The following G6PC1 variants were observed in gnomAD, a reference collection of about 807,000 sequenced individuals.
The protein encoded by G6PC1 is G-6-Pase.
A neutral mutation model predicts 30.4 loss-of-function variants in G6PC1; 23 were observed. The ratio of observed to expected loss-of-function variants is 0.76; its 90% CI spans 0.55 to 1.07. The LOEUF is 1.07. Ranked by LOEUF, G6PC1 falls within the 50% of genes least tolerant of loss-of-function variation. The probability of loss-of-function intolerance (pLI) is 0.00; values close to 1 mark genes in which losing one functional copy is unlikely to be tolerated. For synonymous variants in G6PC1, 163 were observed against 175.6 expected, an observed-to-expected ratio of 0.93 and a Z score of 0.57; for missense variants, 391 against 433.9, an observed-to-expected ratio of 0.90 and a Z score of 0.88.
rs771864998 is a variant in G6PC1, at chr17:42,903,969, A to G, written c.269A>G (p.Asp90Gly). ...CAGCGTCCATACTGGTGGGTTTTGG[A>G]TACTGACTACTACAGCAACACTTCC... ...FGQRPYWWVL[D>G]TDYYSNTSVP... The change falls in exon 2 of 5, where the codon GAT becomes GGT. Residue 90 changes from aspartate (D) to glycine (G), a missense_variant. Physicochemically the swap from Asp to Gly is moderately conservative, Grantham distance 94. Coordinates refer to ENST00000253801, the MANE Select transcript of G6PC1 (RefSeq NM_000151.4). 5.0e-6 allele frequency: 8 copies of G among 1,613,986 alleles called. No individual in the cohort carries two copies. In the East Asian group the frequency reaches 1.8e-4, roughly 36 times the overall value.
At chr17:42,903,654 C>T (rs547527242) in intron 1 of G6PC1, among the ~76,000 whole-genome samples, 2 of 151,708 alleles carry the variant, frequency 1.3e-5, no homozygotes, top group Admixed American at 6.6e-5. Context: ...CACAATGAGC[C>T]GAGATTGCGC....
chr17:42,910,686 C>T (rs1267536117), intron 4 of G6PC1, among the ~76,000 whole-genome samples: 1 of 152,146 alleles, frequency 6.6e-6, no homozygotes, highest in African/African-American at 2.4e-5. Context: ...AGGAAATTTG[C>T]ATACGGTGGG....
Position 42,911,441 on chromosome 17 carries a change from T to G in G6PC1, c.*15T>G, listed in dbSNP as rs2056096098. On this transcript the variant is annotated 3_prime_UTR_variant, in exon 5 of 5. Transcript: ENST00000253801. ...AGTCGTTGTAAGAGATGTGGAGTCT[T>G]CGGTGTTTAAAGTCAACAACCATGC... 1 of 1,613,976 alleles carries G rather than the reference T, an allele frequency of 6.2e-7. No individual in the cohort carries two copies. The highest frequency in any genetic ancestry group is 1.7e-5 in the Admixed American group (1 of 59,990).
chr17:42,910,784 T>C, intron 4 of G6PC1, 131 bp from the exon 5 acceptor site: 1 of 874,956 alleles, frequency 1.1e-6, no homozygotes, highest in Non-Finnish European at 1.9e-6. Flanking sequence ...CAGGCGACCC[T>C]CCCATCTGCC....
At chr17:42,907,338 T>C (rs2056067718) in intron 2 of G6PC1, among the ~76,000 whole-genome samples, 185 bp from the exon 3 acceptor site, 2 of 145,666 alleles carry the variant, frequency 1.4e-5, no homozygotes, top group African/African-American at 2.5e-5. Context: ...AAATGAATTA[T>C]GGATAACGAA....
chr17:42,912,499 A>C lies in G6PC1; in HGVS notation c.*1073A>C, dbSNP rs1293139885. ...AATTAGGCTCTGAAATCTTGGGCAA[A>C]ATGACAAGGGGAGGGCCAGGATTCC... is the stretch of plus-strand genomic sequence containing the variant. On this transcript the variant is annotated 3_prime_UTR_variant, in exon 5 of 5. Transcript: ENST00000253801. The C allele has an allele frequency of 6.6e-6, 1 of 152,270 alleles. No homozygotes were observed. The highest frequency in any genetic ancestry group is 1.5e-5 in the Non-Finnish European group (1 of 68,058). 9.4% of individuals were successfully genotyped at this position (152,270 alleles called of 1,614,324 possible). A position where few individuals can be genotyped will look rare whatever the true frequency, so the allele number is the denominator to read the frequency against.
intron 2 of G6PC1, among the ~76,000 whole-genome samples, chr17:42,904,424 C>G (rs2056046189): frequency 6.6e-6 from 1 of 152,182 alleles, no homozygotes; most frequent in Non-Finnish European, 1.5e-5. Context: ...CTCTCTGTGC[C>G]TACGTTTTAT....
intron 1 of G6PC1, among the ~76,000 whole-genome samples, chr17:42,902,566 A>G (rs577480819): frequency 2.0e-5 from 3 of 152,290 alleles, no homozygotes; most frequent in African/African-American, 7.2e-5. Context: ...TCTAAAAAAT[A>G]AAAAGATGAA....
At chr17:42,907,476 G>C in intron 2 of G6PC1, 47 bp from the exon 3 acceptor site, 1 of 1,354,516 alleles carries the variant, frequency 7.4e-7, no homozygotes, top group Non-Finnish European at 1.1e-6. Context: ...CTGTCTCCCA[G>C]ATGAGGACCT....
rs2056090399 is a variant in G6PC1 at position 42,910,853 on chromosome 17, C to T, written c.563-62C>T. On this transcript the variant is annotated intron_variant, in intron 4 of 4. Transcript: ENST00000253801. ...TGGCATGTCACCCACTCCTCCAAACCCACCTCTAGCAAAGGTCCCAAATCC... is the reference window on the plus strand; with the variant it reads ...TGGCATGTCACCCACTCCTCCAAACTCACCTCTAGCAAAGGTCCCAAATCC... The T allele has an allele frequency of 2.6e-6, 4 of 1,544,500 alleles. No individual in the cohort carries two copies. In the African/African-American group the frequency reaches 4.1e-5, roughly 16 times the overall value.
chr17:42,907,821 G>A (rs1164958319), intron 3 of G6PC1, among the ~76,000 whole-genome samples, 193 bp downstream of exon 3: 6 of 152,170 alleles, frequency 3.9e-5, no homozygotes, highest in African/African-American at 9.7e-5. Context: ...AAGGGATCCA[G>A]TAGTGCAATC....
intron 2 of G6PC1, among the ~76,000 whole-genome samples, chr17:42,907,241 G>C (rs537720507): frequency 6.6e-6 from 1 of 152,330 alleles, no homozygotes. Flanking sequence ...AACTGCAAGA[G>C]CAGGGCCCCT....
In G6PC1 at chr17:42,910,943, C is replaced by T; in HGVS notation, c.591C>T (p.His197=). 6.2e-7 allele frequency: 1 copy of T among 1,614,226 alleles called. No homozygotes were observed. Among genetic ancestry groups the T allele is most frequent in the Non-Finnish European group, 8.5e-7 (1 of 1,180,032 alleles). The change falls in exon 5 of 5, where the codon CAC becomes CAT. Residue 197 remains histidine, a synonymous_variant. Coordinates refer to ENST00000253801, the MANE Select transcript of G6PC1 (RefSeq NM_000151.4). ...TTGCTGTTGCAGAAACTTTCAGCCA[C>T]ATCCACAGCATCTATAATGCCAGCC... The part of the protein sequence containing the change: ...SGIAVAETFS[H]IHSIYNASLK...
intron 2 of G6PC1, among the ~76,000 whole-genome samples, chr17:42,905,927 T>A (rs1350195076): frequency 6.6e-6 from 1 of 151,580 alleles, no homozygotes; most frequent in Non-Finnish European, 1.5e-5. Flanking sequence ...GCGCCTGTAA[T>A]CCCAGCTACC....
chr17:42,904,058 T>G lies in G6PC1; in HGVS notation c.340+18T>G. On this transcript the variant is annotated intron_variant, in intron 2 of 4. Coordinates refer to ENST00000253801, the MANE Select transcript of G6PC1 (RefSeq NM_000151.4). The stretch of plus-strand genomic sequence containing the variant: ...TGGACCAGGTAAGCGTCCCAGCCCC[T>G]GCAGACAGAAGCTGAGTGGACCTCG... 6.5e-7 allele frequency: 1 copy of G among 1,548,736 alleles called. No individual in the cohort carries two copies. Among genetic ancestry groups the G allele is most frequent in the South Asian group, 1.1e-5 (1 of 89,740 alleles).
At chr17:42,908,052 A>G (rs1205003146) in intron 3 of G6PC1, among the ~76,000 whole-genome samples, 1 of 152,158 alleles carries the variant, frequency 6.6e-6, no homozygotes, top group African/African-American at 2.4e-5. Context: ...TATTTTTGAG[A>G]TGCAGTCTCG....
Position 42,912,176 on chromosome 17 carries a change from G to C in G6PC1, c.*750G>C, listed in dbSNP as rs2056100532. 6.6e-6 allele frequency: 1 copy of C among 152,446 alleles called. No individual in the cohort carries two copies. Among genetic ancestry groups the C allele is most frequent in the Non-Finnish European group, 1.5e-5 (1 of 68,264 alleles). 9.4% of individuals were successfully genotyped at this position (152,446 alleles called of 1,614,324 possible). ...TATATAGTAATGCACTCTCAGTAAT[G>C]GGGGACCAGCTTAAGTATAATTAAT... On this transcript the variant is annotated 3_prime_UTR_variant, in exon 5 of 5. Coordinates refer to ENST00000253801, the MANE Select transcript of G6PC1 (RefSeq NM_000151.4).
intron 1 of G6PC1, 97 bp from the exon 2 acceptor site, chr17:42,903,834 G>A (rs913444507): frequency 1.2e-6 from 1 of 845,890 alleles, no homozygotes; most frequent in Admixed American, 1.7e-5. Context: ...GAGGCAACAT[G>A]TGAAATCCTT....
rs2056101617 is a variant in G6PC1, at chr17:42,912,398, T to C, written c.*972T>C. The C allele has an allele frequency of 6.6e-6, 1 of 152,516 alleles. No homozygotes were observed. Among genetic ancestry groups the C allele is most frequent in the African/African-American group, 2.4e-5 (1 of 41,410 alleles). The allele number at this position is 152,516 out of a possible 1,614,324, so 9.4% of individuals were successfully genotyped here. On this transcript the variant is annotated 3_prime_UTR_variant, in exon 5 of 5. Transcript: ENST00000253801. Reference sequence around the variant, plus strand: ...CCCAGCTCTGCTTTTTCCAGATTCTTCCACTGGCTCCACATCCACCCCACT... The same window carrying C: ...CCCAGCTCTGCTTTTTCCAGATTCTCCCACTGGCTCCACATCCACCCCACT...
Sources: gnomAD v4.1 joint callset for allele counts (sites outside exome capture counted in the v4.1 genomes callset) on GRCh38, gnomAD v4.1.1 for gene constraint, MANE v1.5 for transcripts, NCBI Gene and HGNC (gene_info 2026-07-23, HGNC 2026-07-21) for gene names.